Variants in ESRRG observed in about 807,000 individuals in gnomAD.
ESRRG encodes estrogen related receptor gamma.
Under a neutral mutation model 44.0 loss-of-function variants are expected in ESRRG, and 13 were observed. The ratio of observed to expected loss-of-function variants is 0.30; its 90% confidence interval spans 0.19 to 0.47. The LOEUF (loss-of-function observed/expected upper bound fraction) is 0.47. Ranked by LOEUF, ESRRG falls within the 20% of genes least tolerant of loss-of-function variation. ESRRG has a pLI of 1.00. For synonymous variants in ESRRG, 215 were observed against 214.6 expected (o/e 1.00, Z -0.02); for missense variants, 395 against 580.6 (o/e 0.68, Z 3.29).
chr1:216,652,308 C>T (rs1310890192), intron 2 of ESRRG, among the ~76,000 whole-genome samples: 1 of 152,118 alleles, frequency 6.6e-6, no homozygotes, highest in Non-Finnish European at 1.5e-5. Flanking sequence ...CAGAGTTAAT[C>T]ACACTTTGTA....
In ESRRG at chr1:216,818,595, CT is replaced by C. The variant is rs542753363; in HGVS notation, c.-14+120986del. 6.8e-3 allele frequency among the ~76,000 whole-genome samples: 1,002 copies of C among 147,124 alleles called. 11 individuals are homozygous for C. The highest frequency in any genetic ancestry group is 0.057 in the Middle Eastern group (16 of 282). ...ATCTTCCAGTGGCTGCTGTGGGTTT[CT>C]TTTTTTTTTTCCTTCAACTTTCATT... is the stretch of plus-strand genomic sequence containing the variant. On this transcript the variant is annotated intron_variant, in intron 2 of 7. Coordinates refer to the ESRRG transcript ENST00000359162.
Position 216,927,565 on chromosome 1 carries a change from C to G in ESRRG, c.-14+12017G>C, listed in dbSNP as rs2062762968. Among the ~76,000 whole-genome samples, 3 of 152,308 alleles carry G rather than the reference C, an allele frequency of 2.0e-5. No individual in the cohort carries two copies. In the South Asian group the frequency reaches 6.2e-4, roughly 32 times the overall value. Reference sequence around the variant, plus strand: ...CTAGAAAGAAAAAGGATAATACTTCCAAAAGGCTAACACAATCTTAGGGCC... The same window carrying G: ...CTAGAAAGAAAAAGGATAATACTTCGAAAAGGCTAACACAATCTTAGGGCC... On this transcript the variant is annotated intron_variant, in intron 2 of 7. Transcript: ENST00000359162.
chr1:216,681,769 G>C (rs1466757072), intron 1 of ESRRG: 1 of 83,972 alleles, frequency 1.2e-5, no homozygotes, highest in East Asian at 3.2e-4. Context: ...TGCACATAGA[G>C]AGAGTGAGAG....
chr1:216,764,572 G>GT (rs929266096), intron 2 of ESRRG, among the ~76,000 whole-genome samples: 1 of 151,632 alleles, frequency 6.6e-6, no homozygotes, highest in Non-Finnish European at 1.5e-5. Context: ...CCCGGCCCAG[G>GT]GGGGGACTCT....
intron 5 of ESRRG, among the ~76,000 whole-genome samples, chr1:216,556,852 G>A (rs868315259): frequency 2.0e-5 from 3 of 152,102 alleles, no homozygotes; most frequent in South Asian, 4.1e-4. Context: ...TAGCGCACAG[G>A]GTCTGACATA....
intron 2 of ESRRG, among the ~76,000 whole-genome samples, chr1:216,904,629 C>A (rs1025950096): frequency 2.0e-5 from 3 of 152,112 alleles, no homozygotes; most frequent in African/African-American, 7.2e-5. Flanking sequence ...AGGGGCAACA[C>A]AAACACCAGA....
At chr1:216,743,570 A>G (rs2091016124) in intron 2 of ESRRG, among the ~76,000 whole-genome samples, 1 of 152,222 alleles carries the variant, frequency 6.6e-6, no homozygotes, top group African/African-American at 2.4e-5. Flanking sequence ...TAGAAAACAC[A>G]TTGTGCCATG....
intron 3 of ESRRG, among the ~76,000 whole-genome samples, chr1:216,608,001 T>C (rs1293911957): frequency 6.6e-6 from 1 of 152,152 alleles, no homozygotes; most frequent in Non-Finnish European, 1.5e-5. Context: ...CATTTGAAAA[T>C]CAAGTTATAA....
intron 1 of ESRRG, among the ~76,000 whole-genome samples, chr1:217,084,080 A>G (rs1055255145): frequency 6.6e-6 from 1 of 151,804 alleles, no homozygotes; most frequent in African/African-American, 2.4e-5. Context: ...AAAAAAAGTC[A>G]TTAGGTTTTT....
chr1:216,601,944 C>T (rs895535069), intron 3 of ESRRG, among the ~76,000 whole-genome samples: 1 of 152,090 alleles, frequency 6.6e-6, no homozygotes, highest in East Asian at 1.9e-4. Flanking sequence ...CCTTTGGGAG[C>T]GTTATTAAAA....
intron 1 of ESRRG, among the ~76,000 whole-genome samples, chr1:217,108,564 T>C (rs1283888011): frequency 6.6e-6 from 1 of 152,096 alleles, no homozygotes. Context: ...TTCTCATGAA[T>C]GGTTTAGCAC....
chr1:216,970,072 G>T (rs1003591704), intron 1 of ESRRG, among the ~76,000 whole-genome samples: 13 of 152,058 alleles, frequency 8.5e-5, no homozygotes, highest in African/African-American at 3.1e-4. Flanking sequence ...TCCCATCCCA[G>T]ATTCTAATTC....
chr1:217,133,653 T>TTCTTTCTCTCTCTCTC (rs2093003740), intron 1 of ESRRG, among the ~76,000 whole-genome samples: 1 of 44,816 alleles, frequency 2.2e-5, no homozygotes, highest in African/African-American at 9.7e-5. Context: ...CTCTCTTTCT[T>TTCTTTCTCTCTCTCTC]TCTTTCTTTC....
At chr1:216,871,021 C>A (rs1355228733) in intron 2 of ESRRG, among the ~76,000 whole-genome samples, 3 of 151,894 alleles carry the variant, frequency 2.0e-5, no homozygotes, top group African/African-American at 7.2e-5. Flanking sequence ...ACTCTTCATT[C>A]TACTTACTTT....
intron 5 of ESRRG, among the ~76,000 whole-genome samples, chr1:216,545,542 T>C (rs1346711461): frequency 6.6e-6 from 1 of 152,142 alleles, no homozygotes; most frequent in Non-Finnish European, 1.5e-5. Flanking sequence ...TCTTCAAATA[T>C]ACATAGCTTT....
chr1:216,677,260 A>C lies in ESRRG; in HGVS notation c.288T>G (p.Pro96=). ...PSAPILGGSG[P]VRKLYDDCSS... ...AGCAGTCATCATACAGTTTCCTGAC[A>C]GGCCCACTACCTCCCAGGATAGGAG... Residue 96 remains proline (P), a synonymous_variant, in exon 2 of 7, where the codon CCT becomes CCG. Coordinates refer to ENST00000408911, the MANE Select transcript of ESRRG (RefSeq NM_001438.4). 6.2e-7 allele frequency: 1 copy of C among 1,614,132 alleles called. No individual in the cohort carries two copies. Among genetic ancestry groups the C allele is most frequent in the Non-Finnish European group, 8.5e-7 (1 of 1,180,022 alleles).
intron 1 of ESRRG, among the ~76,000 whole-genome samples, chr1:216,703,796 G>T (rs2081935116): frequency 6.6e-6 from 1 of 151,572 alleles, no homozygotes; most frequent in South Asian, 2.1e-4. Flanking sequence ...GAAGTGTAGA[G>T]CCAAAAAAGA....
intron 1 of ESRRG, among the ~76,000 whole-genome samples, chr1:216,694,378 G>A (rs995493082): frequency 4.6e-5 from 7 of 152,070 alleles, no homozygotes; most frequent in Admixed American, 3.3e-4. Context: ...TATGGAATCA[G>A]AAATGGGTTC....
chr1:216,908,799 C>A (rs1356676415), intron 2 of ESRRG, among the ~76,000 whole-genome samples: 4 of 146,612 alleles, frequency 2.7e-5, no homozygotes, highest in East Asian at 4.0e-4. Flanking sequence ...TCCCTAGGTA[C>A]AAGGCAATGT....
Sources: gnomAD v4.1 joint callset for allele counts (sites outside exome capture counted in the v4.1 genomes callset) on GRCh38, gnomAD v4.1.1 for gene constraint, MANE v1.5 for transcripts, NCBI Gene and HGNC (gene_info 2026-07-23, HGNC 2026-07-21) for gene names.